The following SLC5A4 variants were observed in gnomAD, a reference collection of about 807,000 sequenced individuals.
SLC5A4 encodes probable glucose sensor protein SLC5A4.
A neutral mutation model predicts 70.3 loss-of-function variants in SLC5A4; 55 were observed. The ratio of observed to expected loss-of-function variants is 0.78; its 90% CI spans 0.63 to 0.98. The LOEUF is 0.98. SLC5A4 is among the 50% of genes least tolerant of loss of function. The pLI, the probability that SLC5A4 is intolerant of heterozygous loss-of-function variation, is 0.00. For synonymous variants in SLC5A4, 268 were observed against 305.7 expected (o/e 0.88, Z 1.29); for missense variants, 735 against 839.2 (o/e 0.88, Z 1.53).
In SLC5A4 at chr22:32,220,017, GTAAT is replaced by G. The variant is rs1924985686; in HGVS notation, c.1768+899_1768+902del. ...TATAGCCATTATATAAATTTGATCA[GTAAT>G]TAAGATGTGCAACACACACACACAC... On this transcript the variant is annotated intron_variant, in intron 14 of 14. Coordinates refer to ENST00000266086, the MANE Select transcript of SLC5A4 (RefSeq NM_014227.3). Among the ~76,000 whole-genome samples the G allele has an allele frequency of 2.9e-5, 4 of 135,916 alleles. No homozygotes were observed. In the South Asian group the frequency reaches 9.8e-4, roughly 33 times the overall value. The allele number at this position is 135,916 out of a possible 152,430, so 89.2% of individuals were successfully genotyped here. A position where few individuals can be genotyped will look rare whatever the true frequency, so the allele number is the denominator to read the frequency against.
chr22:32,289,309 GCT>G, the SLC5A4 span, among the ~76,000 whole-genome samples: 1 of 152,112 alleles, frequency 6.6e-6, no homozygotes, highest in South Asian at 2.1e-4. Flanking sequence ...ATATGGTTTG[GCT>G]CTGTGTCCTC....
chr22:32,307,259 A>T, the SLC5A4 span, among the ~76,000 whole-genome samples: 2 of 152,236 alleles, frequency 1.3e-5, no homozygotes, highest in South Asian at 4.1e-4. Context: ...TTAGGTACAG[A>T]GTAACTAATA....
chr22:32,352,094 A>C, the SLC5A4 span, among the ~76,000 whole-genome samples: 1 of 152,162 alleles, frequency 6.6e-6, no homozygotes. Flanking sequence ...GCCATAAAAA[A>C]TGATGAGTTC....
At chr22:32,336,731 C>G in the SLC5A4 span, among the ~76,000 whole-genome samples, 190 of 152,314 alleles carry the variant, frequency 1.2e-3, 1 homozygote, top group Non-Finnish European at 2.2e-3. Flanking sequence ...AAAACCTTCC[C>G]TAAGGAATAT....
the SLC5A4 span, among the ~76,000 whole-genome samples, chr22:32,325,684 G>A: frequency 2.2e-4 from 33 of 152,372 alleles, no homozygotes; most frequent in South Asian, 3.1e-3. Context: ...CCTCTGCGCC[G>A]GGCACTGTGC....
chr22:32,263,958 CA>C, the SLC5A4 span, among the ~76,000 whole-genome samples: 4 of 152,044 alleles, frequency 2.6e-5, no homozygotes, highest in South Asian at 8.3e-4. Flanking sequence ...AACAGAAAAC[CA>C]AACACTGCAT....
chr22:32,231,938 T>C (rs1030375854), intron 9 of SLC5A4, among the ~76,000 whole-genome samples: 2 of 152,002 alleles, frequency 1.3e-5, no homozygotes, highest in African/African-American at 4.8e-5. Flanking sequence ...TGTAGTGCAA[T>C]GGTGCAATCA....
the SLC5A4 span, among the ~76,000 whole-genome samples, chr22:32,266,424 C>T: frequency 8.3e-4 from 126 of 152,260 alleles, no homozygotes; most frequent in Non-Finnish European, 1.5e-3. Flanking sequence ...ATTTATCAAA[C>T]GTGGTTCAAT....
the SLC5A4 span, among the ~76,000 whole-genome samples, chr22:32,353,405 G>A: frequency 1.3e-5 from 2 of 152,062 alleles, no homozygotes; most frequent in African/African-American, 4.8e-5. Flanking sequence ...CATAGAGGGC[G>A]CGGGCCTGGG....
At chr22:32,324,383 G>A in the SLC5A4 span, among the ~76,000 whole-genome samples, 3 of 151,920 alleles carry the variant, frequency 2.0e-5, no homozygotes, top group African/African-American at 4.8e-5. Context: ...TTCTTAGAGG[G>A]TAAAATTTTG....
the SLC5A4 span, among the ~76,000 whole-genome samples, chr22:32,333,393 G>A: frequency 6.6e-6 from 1 of 152,212 alleles, no homozygotes; most frequent in African/African-American, 2.4e-5. Context: ...GCCAGAGTGG[G>A]GAAACCTGTG....
chr22:32,347,872 A>G, the SLC5A4 span, among the ~76,000 whole-genome samples: 3 of 152,130 alleles, frequency 2.0e-5, no homozygotes, highest in Admixed American at 2.0e-4. Flanking sequence ...AAAATTAAAA[A>G]AAGAAAATGA....
chr22:32,272,746 A>G, the SLC5A4 span: 2,330 of 512,910 alleles, frequency 4.5e-3, 28 homozygotes, highest in African/African-American at 0.022. Context: ...ACCCTGTGCC[A>G]GGGAGCCACT....
chr22:32,333,356 G>C, the SLC5A4 span, among the ~76,000 whole-genome samples: 1 of 152,288 alleles, frequency 6.6e-6, no homozygotes, highest in Non-Finnish European at 1.5e-5. Context: ...GTGAGGTTTT[G>C]AGGAATGAGT....
intron 5 of SLC5A4, among the ~76,000 whole-genome samples, chr22:32,244,391 T>C (rs1213780511): frequency 6.6e-6 from 1 of 152,234 alleles, no homozygotes; most frequent in Non-Finnish European, 1.5e-5. Flanking sequence ...TTTGACTTCA[T>C]GTGTAGTTCT....
chr22:32,306,692 T>G, the SLC5A4 span, among the ~76,000 whole-genome samples: 1 of 152,176 alleles, frequency 6.6e-6, no homozygotes, highest in South Asian at 2.1e-4. Context: ...TGGCTGGCCC[T>G]GGGGAGGACA....
chr22:32,222,745 G>A (rs1332813409), intron 13 of SLC5A4, among the ~76,000 whole-genome samples: 1 of 152,030 alleles, frequency 6.6e-6, no homozygotes, highest in Non-Finnish European at 1.5e-5. Context: ...TAATCTACTG[G>A]CCACTTCTCA....
the SLC5A4 span, chr22:32,271,682 C>T: frequency 2.7e-5 from 16 of 582,112 alleles, no homozygotes; most frequent in African/African-American, 1.9e-5. Context: ...AGGGGTGCTG[C>T]GGCTGCACCC....
the SLC5A4 span, among the ~76,000 whole-genome samples, chr22:32,330,955 TGTGTGTGTTGGGGGCACTG>T: frequency 9.1e-3 from 66 of 7,288 alleles, 2 homozygotes; most frequent in Non-Finnish European, 0.011. Flanking sequence ...GGCTCTGGTG[TGTGTGTGTTGGGGGCACTG>T]GTGTGTGTGT....
Sources: allele counts gnomAD v4.1 joint callset (sites outside exome capture counted in the v4.1 genomes callset), GRCh38; gene constraint gnomAD v4.1.1; transcripts MANE v1.5; gene names NCBI Gene and HGNC (gene_info 2026-07-23, HGNC 2026-07-21).